Variants in CAMK2A observed in about 807,000 individuals in gnomAD.
CAMK2A encodes calcium/calmodulin dependent protein kinase II alpha.
Under a neutral mutation model 79.2 loss-of-function variants are expected in CAMK2A, and 7 were observed. That is an observed-to-expected ratio of 0.09 (90% CI 0.05 to 0.17). CAMK2A has a LOEUF of 0.17. Among genes scored for constraint, CAMK2A ranks in the 10% least tolerant of loss-of-function variants. The pLI, the probability that CAMK2A is intolerant of heterozygous loss-of-function variation, is 1.00. For missense variants in CAMK2A, 214 were observed against 646.4 expected (o/e 0.33, Z 7.25); for synonymous variants, 242 against 251.7 (o/e 0.96, Z 0.36).
At chr5:150,267,326 T>G (rs1433627159) in intron 2 of CAMK2A, among the ~76,000 whole-genome samples, 1 of 151,790 alleles carries the variant, frequency 6.6e-6, no homozygotes, top group African/African-American at 2.4e-5. Context: ...AGGTCAGGCC[T>G]GTCAGAGTGG....
intron 17 of CAMK2A, among the ~76,000 whole-genome samples, chr5:150,224,873 A>C (rs897764784): frequency 7.9e-6 from 1 of 126,946 alleles, no homozygotes; most frequent in Non-Finnish European, 1.7e-5. Flanking sequence ...TCTAAAAGTC[A>C]GTTTTGGCCG....
At chr5:150,283,192 C>T (rs373371433) in intron 1 of CAMK2A, among the ~76,000 whole-genome samples, 1 of 152,168 alleles carries the variant, frequency 6.6e-6, no homozygotes, top group East Asian at 1.9e-4. Flanking sequence ...CTGCTAGGAC[C>T]CAGCATCTGG....
chr5:150,250,493 G>A (rs1443136365), intron 10 of CAMK2A, among the ~76,000 whole-genome samples, 184 bp from the exon 11 acceptor site: 1 of 152,196 alleles, frequency 6.6e-6, no homozygotes, highest in Admixed American at 6.5e-5. Flanking sequence ...AATGCCAGTA[G>A]CACCATCAGT....
At chr5:150,274,110 T>A (rs575770655) in intron 1 of CAMK2A, among the ~76,000 whole-genome samples, 1 of 152,368 alleles carries the variant, frequency 6.6e-6, no homozygotes, top group Non-Finnish European at 1.5e-5. Context: ...TTTTTATATC[T>A]GCTAAAGAGA....
Position 150,230,343 on chromosome 5 carries a change from G to GA in CAMK2A, c.1142+961dup, listed in dbSNP as rs35612107. ...AAAAAAAAAAAAAAAAAAAAAAAGG[G>GA]AAAAAAAAAAGAATGCACCTGGTCT... is the stretch of plus-strand genomic sequence containing the variant. On this transcript the variant is annotated intron_variant, in intron 16 of 18. Transcript: ENST00000671881. Among the ~76,000 whole-genome samples the GA allele has an allele frequency of 8.7e-3, 1,081 of 123,566 alleles. 8 individuals are homozygous for GA. The highest frequency in any genetic ancestry group is 0.027 in the African/African-American group (978 of 35,974). 81.1% of individuals were successfully genotyped at this position (123,566 alleles called of 152,430 possible). A position where few individuals can be genotyped will look rare whatever the true frequency, so the allele number is the denominator to read the frequency against.
chr5:150,249,522 C>G lies in CAMK2A; in HGVS notation c.900+704G>C, dbSNP rs771333281. ...CAAACTTCTGCACAGGCTGCTTCCTCTGTCTGGAACACGTTCCCATTCTTT... is the reference window on the plus strand; with the variant it reads ...CAAACTTCTGCACAGGCTGCTTCCTGTGTCTGGAACACGTTCCCATTCTTT... On this transcript the variant is annotated intron_variant, in intron 11 of 18. Coordinates refer to ENST00000671881, the MANE Select transcript of CAMK2A (RefSeq NM_015981.4). 1.2e-3 allele frequency among the ~76,000 whole-genome samples: 184 copies of G among 152,066 alleles called. 4 individuals carry two copies. The highest frequency in any genetic ancestry group is 7.2e-4 in the African/African-American group (30 of 41,424).
chr5:150,253,598 G>T, intron 6 of CAMK2A, 52 bp from the exon 7 acceptor site: 1 of 1,469,822 alleles, frequency 6.8e-7, no homozygotes, highest in Non-Finnish European at 9.5e-7. Flanking sequence ...CCAAGAGACA[G>T]TCAGCAGATT....
Position 150,251,837 on chromosome 5 carries a change from G to A in CAMK2A, c.606C>T (p.Ile202=), listed in dbSNP as rs1755849569. 3 of 1,602,664 alleles carry A rather than the reference G, an allele frequency of 1.9e-6. No individual in the cohort carries two copies. The highest frequency in any genetic ancestry group is 2.6e-6 in the Non-Finnish European group (3 of 1,174,076). ...GGTACCCAACCAGCAGGATGTACAG[G>A]ATGACCCCTGGAAAGAGGACCAGAG... ...KPVDLWACGV[I]LYILLVGYPP... is the part of the protein sequence containing the mutation. Residue 202 remains isoleucine, a synonymous_variant, in exon 9 of 19, where the codon ATC becomes ATT. Transcript: ENST00000671881.
intron 15 of CAMK2A, among the ~76,000 whole-genome samples, chr5:150,236,314 G>T (rs1288679617): frequency 6.6e-6 from 1 of 152,152 alleles, no homozygotes; most frequent in Non-Finnish European, 1.5e-5. Flanking sequence ...AATAATCTTT[G>T]AGTAAAATTG....
chr5:150,269,962 C>T (rs1004326207), intron 2 of CAMK2A, among the ~76,000 whole-genome samples: 4 of 152,096 alleles, frequency 2.6e-5, no homozygotes, highest in South Asian at 2.1e-4. Flanking sequence ...ACTGGGGAGC[C>T]GAGGAAGTGA....
chr5:150,276,815 C>T (rs750465574), intron 1 of CAMK2A, among the ~76,000 whole-genome samples: 20 of 151,952 alleles, frequency 1.3e-4, no homozygotes, highest in Non-Finnish European at 2.4e-4. Context: ...GATGGTTGGA[C>T]GGGGGAGGGA....
rs909479928 is a variant in CAMK2A at position 150,289,646 on chromosome 5, T to G, written c.-21A>C. 1.8e-5 allele frequency: 29 copies of G among 1,610,042 alleles called. No homozygotes were observed. Among genetic ancestry groups the G allele is most frequent in the African/African-American group, 2.7e-5 (2 of 74,790 alleles). On this transcript the variant is annotated 5_prime_UTR_variant, in exon 1 of 19. Coordinates refer to ENST00000671881, the MANE Select transcript of CAMK2A (RefSeq NM_015981.4). ...GCCATCCTGGCGCTGGGCAGGCAGG[T>G]GAGGCTTGGGACTGGGGGACCAGGA... is the stretch of plus-strand genomic sequence containing the variant.
intron 13 of CAMK2A, among the ~76,000 whole-genome samples, chr5:150,242,568 C>A (rs559452245): frequency 8.1e-4 from 123 of 152,274 alleles, no homozygotes; most frequent in African/African-American, 2.9e-3. Flanking sequence ...GTGAAAGGAG[C>A]CTGTGATGTG....
chr5:150,285,264 C>T (rs1757377720), intron 1 of CAMK2A, among the ~76,000 whole-genome samples: 1 of 152,208 alleles, frequency 6.6e-6, no homozygotes, highest in Non-Finnish European at 1.5e-5. Context: ...GTCTCCTCAT[C>T]TGTAAGATGG....
chr5:150,257,306 T>C (rs1562172974), intron 4 of CAMK2A, among the ~76,000 whole-genome samples: 2 of 152,230 alleles, frequency 1.3e-5, no homozygotes, highest in Non-Finnish European at 2.9e-5. Flanking sequence ...AAGGAAACTT[T>C]ATATTGCCAC....
chr5:150,222,940 A>C lies in CAMK2A; in HGVS notation c.1466+49T>G, dbSNP rs1754392073. 1.9e-6 allele frequency: 3 copies of C among 1,553,148 alleles called. No individual in the cohort carries two copies. In the African/African-American group the frequency reaches 4.1e-5, roughly 21 times the overall value. On this transcript the variant is annotated intron_variant, in intron 18 of 18. Transcript: ENST00000671881. ...CCGACGTAACCCCCTCCAGGGCAAC[A>C]CTCCCATCCTTTACATTACCCTGGG...
At chr5:150,279,718 G>A (rs188385429) in intron 1 of CAMK2A, among the ~76,000 whole-genome samples, 154 of 152,364 alleles carry the variant, frequency 1.0e-3, no homozygotes, top group Non-Finnish European at 1.9e-3. Flanking sequence ...GGGTGGACGA[G>A]CAGGAGTGTG....
At chr5:150,239,207 G>T (rs898849653) in intron 14 of CAMK2A, among the ~76,000 whole-genome samples, 1 of 152,148 alleles carries the variant, frequency 6.6e-6, no homozygotes, top group African/African-American at 2.4e-5. Context: ...CCAGAAGAGG[G>T]AGGTGGGCCA....
At position 150,238,021 on chromosome 5, in the gene CAMK2A, G is replaced by A. The variant is rs1346938739; in HGVS notation, c.1066+679C>T. Reference sequence around the variant, plus strand: ...TCTCCCTTCCTTTACAGTTATTACTGTTTTTAAAATCAATTCACTTTTCAA... The same window carrying A: ...TCTCCCTTCCTTTACAGTTATTACTATTTTTAAAATCAATTCACTTTTCAA... On this transcript the variant is annotated intron_variant, in intron 15 of 18. Transcript: ENST00000671881. Among the ~76,000 whole-genome samples, 4 of 152,244 alleles carry A rather than the reference G, an allele frequency of 2.6e-5. No individual in the cohort carries two copies. The East Asian group carries it at 7.7e-4, about 29-fold the overall frequency.
Sources: gnomAD v4.1 joint callset for allele counts (sites outside exome capture counted in the v4.1 genomes callset) on GRCh38, gnomAD v4.1.1 for gene constraint, MANE v1.5 for transcripts, NCBI Gene and HGNC (gene_info 2026-07-23, HGNC 2026-07-21) for gene names.